Variants in TACO1 observed in about 807,000 individuals in gnomAD.
TACO1 encodes translational activator of cytochrome c oxidase 1.
In TACO1, 13 loss-of-function variants were observed where a neutral mutation model predicts 24.0. The ratio of observed to expected loss-of-function variants is 0.54; its 90% CI spans 0.35 to 0.86. The LOEUF is 0.86. Ranked by LOEUF, TACO1 falls within the 40% of genes least tolerant of loss-of-function variation. The probability of loss-of-function intolerance (pLI) is 0.01; values close to 1 mark genes in which losing one functional copy is unlikely to be tolerated. For synonymous variants in TACO1, 149 were observed against 153.5 expected (o/e 0.97, Z 0.22); for missense variants, 352 against 380.1 (o/e 0.93, Z 0.61).
At chr17:63,604,423 T>C in intron 1 of TACO1, 111 bp from the exon 2 acceptor site, 1 of 856,544 alleles carries the variant, frequency 1.2e-6, no homozygotes. Flanking sequence ...GAGAGCTAAA[T>C]GGTGATTTGC....
At chr17:63,601,781 T>G (rs1403409686) in intron 1 of TACO1, among the ~76,000 whole-genome samples, 1 of 152,188 alleles carries the variant, frequency 6.6e-6, no homozygotes, top group Non-Finnish European at 1.5e-5. Context: ...AAGCTATTAC[T>G]TAAGTGCTTA....
intron 1 of TACO1, among the ~76,000 whole-genome samples, chr17:63,602,617 C>A (rs984569693): frequency 6.6e-6 from 1 of 152,052 alleles, no homozygotes; most frequent in Admixed American, 6.6e-5. Context: ...ACCTCCACCT[C>A]CCAGGCTCAA....
chr17:63,606,255 G>T (rs1294859808), intron 2 of TACO1, 58 bp from the exon 3 acceptor site: 1 of 1,609,262 alleles, frequency 6.2e-7, no homozygotes, highest in Non-Finnish European at 8.5e-7. Flanking sequence ...GTAGTTCTGG[G>T]CTGACATGTG....
intron 1 of TACO1, among the ~76,000 whole-genome samples, chr17:63,602,262 CAAAAAA>C (rs897099348): frequency 1.7e-5 from 1 of 60,410 alleles, no homozygotes; most frequent in East Asian, 5.6e-4. Flanking sequence ...GACTCCATCT[CAAAAAA>C]AAAAAAAAAA....
Position 63,604,696 on chromosome 17 carries a change from T to C in TACO1, c.387+56T>C. ...TCACAGCCTCTACCGGGCTCATGTC[T>C]GGATGGCCAACAAACACACTGTAAA... On this transcript the variant is annotated intron_variant, in intron 2 of 4. Transcript: ENST00000258975. 3 of 1,479,378 alleles carry C rather than the reference T, an allele frequency of 2.0e-6. No individual in the cohort carries two copies. In the African/African-American group the frequency reaches 4.2e-5, roughly 20 times the overall value. 91.6% of individuals were successfully genotyped at this position (1,479,378 alleles called of 1,614,324 possible).
Position 63,604,587 on chromosome 17 carries a change from T to C in TACO1, c.334T>C (p.Cys112Arg), listed in dbSNP as rs770030446. Residue 112 changes from cysteine to arginine, a missense_variant, in exon 2 of 5, where the codon TGT becomes CGT. Cys to Arg is a radical substitution (Grantham distance 180). Coordinates refer to ENST00000258975, the MANE Select transcript of TACO1 (RefSeq NM_016360.4). ...CAACCTGGCCAATATCTTAGAGGTG[T>C]GTCGCAGCAAACATATGCCCAAGTC... is the stretch of plus-strand genomic sequence containing the variant. ...NSNLANILEV[C>R]RSKHMPKSTI... 5 of 1,614,012 alleles carry C rather than the reference T, an allele frequency of 3.1e-6. No individual in the cohort carries two copies. The highest frequency in any genetic ancestry group is 4.2e-6 in the Non-Finnish European group (5 of 1,180,022).
chr17:63,607,897 C>T lies in TACO1; in HGVS notation c.789C>T (p.Asn263=). Residue 263 remains asparagine, a synonymous_variant, in exon 5 of 5, where the codon AAC becomes AAT. Coordinates refer to ENST00000258975, the MANE Select transcript of TACO1 (RefSeq NM_016360.4). The part of the protein sequence containing the change: ...SVSCALEFIP[N]SKVQLAEPDL... ...CCTGTGCACTAGAGTTCATCCCCAA[C>T]TCAAAGGTGCAGCTGGCTGAGCCCG... 1 of 1,614,252 alleles carries T rather than the reference C, an allele frequency of 6.2e-7. No individual in the cohort carries two copies. The highest frequency in any genetic ancestry group is 1.3e-5 in the African/African-American group (1 of 75,076).
In TACO1 at chr17:63,606,238, G is replaced by C. The variant is rs1308390234; in HGVS notation, c.388-75G>C. 25 of 1,590,050 alleles carry C rather than the reference G, an allele frequency of 1.6e-5. No homozygotes were observed. The South Asian group carries it at 2.8e-4, about 18-fold the overall frequency. ...GCCCATCCCATGGAGTTAGTTTTGC[G>C]ATACTTGTAGTTCTGGGCTGACATG... On this transcript the variant is annotated intron_variant, in intron 2 of 4. Transcript: ENST00000258975.
chr17:63,603,933 C>G (rs778878730), intron 1 of TACO1, among the ~76,000 whole-genome samples: 6 of 151,438 alleles, frequency 4.0e-5, no homozygotes, highest in African/African-American at 1.5e-4. Context: ...GCAGGAGGAT[C>G]GCTTGAACCC....
rs117961847 is a variant in TACO1 at position 63,602,950 on chromosome 17, A to G, written c.281-1584A>G. 6.1e-4 allele frequency among the ~76,000 whole-genome samples: 93 copies of G among 152,346 alleles called. No individual in the cohort carries two copies. The East Asian group carries it at 0.014, about 22-fold the overall frequency. On this transcript the variant is annotated intron_variant, in intron 1 of 4. Coordinates refer to ENST00000258975, the MANE Select transcript of TACO1 (RefSeq NM_016360.4). ...TGTGAACATTTCAATAATTATGCAC[A>G]AAGTGCTGGGCACGGTGGCTCACAC...
intron 2 of TACO1, among the ~76,000 whole-genome samples, chr17:63,605,579 G>T (rs568649162): frequency 2.0e-5 from 3 of 152,188 alleles, no homozygotes; most frequent in Non-Finnish European, 2.9e-5. Context: ...TGACAGACTT[G>T]AAACCAGATA....
chr17:63,601,443 GC>G, intron 1 of TACO1, 80 bp downstream of exon 1: 1 of 1,495,134 alleles, frequency 6.7e-7, no homozygotes, highest in Non-Finnish European at 9.1e-7. Context: ...TCGGAATTGG[GC>G]CCACCTAGAT....
In TACO1 at chr17:63,606,415, A is replaced by G; in HGVS notation, c.490A>G (p.Ile164Val). ...SNSSHKCQAD[I>V]RHILNKNGGV... ...CAGTAGCCACAAGTGCCAAGCAGACATTAGACATATCCTGAATAAGAATGG... is the reference window on the plus strand; with the variant it reads ...CAGTAGCCACAAGTGCCAAGCAGACGTTAGACATATCCTGAATAAGAATGG... The change falls in exon 3 of 5, where the codon ATT becomes GTT. Residue 164 changes from isoleucine (I) to valine (V), a missense_variant. Ile to Val is a conservative substitution (Grantham distance 29). Coordinates refer to ENST00000258975, the MANE Select transcript of TACO1 (RefSeq NM_016360.4). 1 of 1,614,256 alleles carries G rather than the reference A, an allele frequency of 6.2e-7. No homozygotes were observed. The highest frequency in any genetic ancestry group is 8.5e-7 in the Non-Finnish European group (1 of 1,180,052).
chr17:63,606,888 T>C (rs375359431), intron 3 of TACO1: 14 of 364,394 alleles, frequency 3.8e-5, no homozygotes, highest in East Asian at 3.5e-4. Flanking sequence ...AATGAGTTAA[T>C]TGACTTTCCC....
In TACO1 at chr17:63,607,889, A is replaced by G. The variant is rs754023276; in HGVS notation, c.781A>G (p.Ile261Val). 1.2e-6 allele frequency: 2 copies of G among 1,614,102 alleles called. No individual in the cohort carries two copies. Among genetic ancestry groups the G allele is most frequent in the Non-Finnish European group, 1.7e-6 (2 of 1,180,050 alleles). The change falls in exon 5 of 5, where the codon ATC (isoleucine) becomes GTC (valine). Residue 261 changes from isoleucine to valine, a missense_variant. Coordinates refer to ENST00000258975, the MANE Select transcript of TACO1 (RefSeq NM_016360.4). ...LCSVSCALEF[I>V]PNSKVQLAEP... is the part of the protein sequence containing the mutation. The stretch of plus-strand genomic sequence containing the variant: ...TTCTGTGTCCTGTGCACTAGAGTTC[A>G]TCCCCAACTCAAAGGTGCAGCTGGC...
rs1284020073 is a variant in TACO1 at position 63,601,076 on chromosome 17, C to T, written c.-8C>T. 1.3e-6 allele frequency: 2 copies of T among 1,539,946 alleles called. No individual in the cohort carries two copies. The highest frequency in any genetic ancestry group is 1.7e-6 in the Non-Finnish European group (2 of 1,146,110). The stretch of plus-strand genomic sequence containing the variant: ...CTGCTAGCAGCTTGAACCCCAGGGT[C>T]GGGACCGATGTCGGCTTGGGCTGCT... On this transcript the variant is annotated 5_prime_UTR_variant, in exon 1 of 5. Coordinates refer to ENST00000258975, the MANE Select transcript of TACO1 (RefSeq NM_016360.4).
At chr17:63,606,172 G>A in intron 2 of TACO1, 141 bp from the exon 3 acceptor site, 2 of 1,111,784 alleles carry the variant, frequency 1.8e-6, no homozygotes, top group Non-Finnish European at 2.8e-6. Flanking sequence ...AGAGGGTGGG[G>A]ACAAAAATAA....
intron 2 of TACO1, 21 bp downstream of exon 2, chr17:63,604,661 T>A (rs374022064): frequency 1.2e-6 from 2 of 1,600,694 alleles, no homozygotes; most frequent in Non-Finnish European, 1.7e-6. Context: ...TTTGACATGC[T>A]TTTTATTGAT....
rs745702583 is a variant in TACO1 at position 63,607,421 on chromosome 17, A to T, written c.650A>T (p.Asp217Val). ...LEMAIEAGAE[D>V]VKETEDEEER... ...ATGGCAATCGAAGCAGGAGCTGAGG[A>T]TGTCAAGGAAACTGAAGATGAAGAA... is the stretch of plus-strand genomic sequence containing the variant. The change falls in exon 4 of 5, where the codon GAT (aspartate) becomes GTT (valine). Residue 217 changes from aspartate (D) to valine (V), a missense_variant. By Grantham distance (152) the Asp-to-Val change is radical (BLOSUM62 -3). Transcript: ENST00000258975. 24 of 1,614,074 alleles carry T rather than the reference A, an allele frequency of 1.5e-5. No homozygotes were observed. The East Asian group carries it at 5.1e-4, about 34-fold the overall frequency.
Sources: gnomAD v4.1 joint callset for allele counts (sites outside exome capture counted in the v4.1 genomes callset) on GRCh38, gnomAD v4.1.1 for gene constraint, MANE v1.5 for transcripts, NCBI Gene and HGNC (gene_info 2026-07-23, HGNC 2026-07-21) for gene names.